Variants in RFX8 observed in about 807,000 individuals in gnomAD.
RFX8 encodes DNA-binding protein RFX8.
A neutral mutation model predicts 54.6 loss-of-function variants in RFX8; 46 were observed. That is an observed-to-expected ratio of 0.84 (90% CI 0.67 to 1.08). The LOEUF (loss-of-function observed/expected upper bound fraction) is 1.08. Ranked by LOEUF, RFX8 falls within the 50% of genes least tolerant of loss-of-function variation. The pLI, the probability that RFX8 is intolerant of heterozygous loss-of-function variation, is 0.00. For synonymous variants in RFX8, 192 were observed against 209.5 expected (o/e 0.92, Z 0.72); for missense variants, 536 against 562.3 (o/e 0.95, Z 0.47).
chr2:101,461,507 T>C (rs939442057), intron 2 of RFX8, among the ~76,000 whole-genome samples: 15 of 152,232 alleles, frequency 9.9e-5, no homozygotes, highest in African/African-American at 3.6e-4. Flanking sequence ...TGAGAAAGTA[T>C]GCAGCAGGCT....
intron 2 of RFX8, among the ~76,000 whole-genome samples, chr2:101,432,967 A>G (rs1411439847): frequency 7.4e-4 from 112 of 152,266 alleles, no homozygotes; most frequent in Non-Finnish European, 2.1e-4. Flanking sequence ...ACTGCTCCTC[A>G]GGGCCCAAGC....
chr2:101,404,128 C>T (rs1685597061), intron 10 of RFX8, among the ~76,000 whole-genome samples: 1 of 152,180 alleles, frequency 6.6e-6, no homozygotes, highest in Non-Finnish European at 1.5e-5. Flanking sequence ...GCTGTGCCAA[C>T]CTTTTGTCCA....
chr2:101,459,503 G>T (rs1689154814), intron 2 of RFX8, among the ~76,000 whole-genome samples: 1 of 152,150 alleles, frequency 6.6e-6, no homozygotes, highest in South Asian at 2.1e-4. Context: ...GTTTGCTGGA[G>T]GTCCACTCCA....
chr2:101,458,737 T>C (rs1689117379), intron 2 of RFX8, among the ~76,000 whole-genome samples: 1 of 152,226 alleles, frequency 6.6e-6, no homozygotes, highest in South Asian at 2.1e-4. Context: ...CTGTATTTCC[T>C]GAATTTGAAT....
At chr2:101,461,654 A>G (rs1402015467) in intron 2 of RFX8, among the ~76,000 whole-genome samples, 3 of 152,214 alleles carry the variant, frequency 2.0e-5, no homozygotes, top group Admixed American at 6.5e-5. Flanking sequence ...CTGTGATTTC[A>G]TTTTAATATA....
chr2:101,469,041 T>C (rs11675370), intron 1 of RFX8, among the ~76,000 whole-genome samples: 7 of 20,874 alleles, frequency 3.4e-4, no homozygotes, highest in African/African-American at 1.1e-3. Context: ...CGTATATATA[T>C]GTATATATAT....
intron 4 of RFX8, among the ~76,000 whole-genome samples, chr2:101,420,901 T>C (rs1463542472): frequency 6.6e-6 from 1 of 152,238 alleles, no homozygotes; most frequent in Non-Finnish European, 1.5e-5. Flanking sequence ...TCAAGCCTTA[T>C]GGAGAATACT....
At chr2:101,452,257 T>G in intron 2 of RFX8, 1 of 512,694 alleles carries the variant, frequency 2.0e-6, no homozygotes, top group Non-Finnish European at 3.4e-6. Flanking sequence ...TTAATGCGAA[T>G]TGTGGACACT....
At chr2:101,398,686 A>G (rs901096986) in intron 11 of RFX8, among the ~76,000 whole-genome samples, 1 of 152,228 alleles carries the variant, frequency 6.6e-6, no homozygotes, top group African/African-American at 2.4e-5. Context: ...AAGTCTTCCT[A>G]TCAGAGAAAG....
intron 2 of RFX8, among the ~76,000 whole-genome samples, chr2:101,433,010 C>A (rs545655645): frequency 2.9e-4 from 44 of 152,186 alleles, no homozygotes; most frequent in African/African-American, 1.0e-3. Flanking sequence ...GATTTAATAA[C>A]CACTGGAGGG....
At chr2:101,409,895 C>T (rs1336340099) in intron 9 of RFX8, among the ~76,000 whole-genome samples, 11 of 152,154 alleles carry the variant, frequency 7.2e-5, no homozygotes, top group Admixed American at 7.2e-4. Flanking sequence ...ATTCTCAGCT[C>T]TCCACTGCCC....
In RFX8 at chr2:101,466,497, G is replaced by A. The variant is rs373319440; in HGVS notation, c.72+280C>T. ...AGGGAATACCATGCCAGCAAACCTG[G>A]CTCCCTGAGGAGTGCTTGGAGCTGC... On this transcript the variant is annotated intron_variant, in intron 2 of 11. Coordinates refer to ENST00000428343, the MANE Select transcript of RFX8 (RefSeq NM_001145664.2). Among the ~76,000 whole-genome samples, 30 of 152,210 alleles carry A rather than the reference G, an allele frequency of 2.0e-4. No individual in the cohort carries two copies. The East Asian group carries it at 5.6e-3, about 28-fold the overall frequency.
At chr2:101,429,535 T>C (rs1039285402) in intron 2 of RFX8, among the ~76,000 whole-genome samples, 19 of 152,210 alleles carry the variant, frequency 1.2e-4, no homozygotes, top group African/African-American at 4.6e-4. Flanking sequence ...GGGTCCTATC[T>C]ATGCAGTACG....
At chr2:101,421,615 T>C (rs924553500) in intron 4 of RFX8, 109 bp downstream of exon 4, 49 of 1,472,576 alleles carry the variant, frequency 3.3e-5, no homozygotes, top group African/African-American at 8.5e-5. Flanking sequence ...TGGGTTACCA[T>C]TGGACATCTG....
intron 11 of RFX8, among the ~76,000 whole-genome samples, chr2:101,400,634 C>G (rs566440973): frequency 1.1e-4 from 16 of 152,306 alleles, no homozygotes; most frequent in African/African-American, 3.6e-4. Flanking sequence ...ATAAAGCCTC[C>G]CTTACGGTGC....
chr2:101,440,171 G>T (rs918967208), intron 2 of RFX8, among the ~76,000 whole-genome samples: 11 of 151,946 alleles, frequency 7.2e-5, no homozygotes, highest in African/African-American at 2.7e-4. Flanking sequence ...AAGAGTCCAA[G>T]TCAATGTTTT....
chr2:101,451,546 G>A (rs773523636), intron 2 of RFX8, among the ~76,000 whole-genome samples: 4 of 151,756 alleles, frequency 2.6e-5, no homozygotes, highest in South Asian at 2.1e-4. Flanking sequence ...AAAATAAGCC[G>A]GGCGTGGTGG....
intron 10 of RFX8, among the ~76,000 whole-genome samples, chr2:101,403,660 G>A (rs781586235): frequency 2.6e-5 from 4 of 152,078 alleles, no homozygotes; most frequent in Non-Finnish European, 5.9e-5. Context: ...GGTGGCACGT[G>A]CCTGTAGTCC....
intron 2 of RFX8, among the ~76,000 whole-genome samples, chr2:101,462,820 T>A (rs1361172719): frequency 2.6e-5 from 4 of 152,242 alleles, no homozygotes; most frequent in African/African-American, 9.6e-5. Context: ...TCTGTCTGTC[T>A]GCCTGTGTGT....
Sources: gnomAD v4.1 joint callset for allele counts (sites outside exome capture counted in the v4.1 genomes callset) on GRCh38, gnomAD v4.1.1 for gene constraint, MANE v1.5 for transcripts, NCBI Gene and HGNC (gene_info 2026-07-23, HGNC 2026-07-21) for gene names.